Variants in IL1RAPL2 observed in about 807,000 individuals in gnomAD.
The protein encoded by IL1RAPL2 is X-linked interleukin-1 receptor accessory protein-like 2.
Under a neutral mutation model 44.1 loss-of-function variants are expected in IL1RAPL2, and 3 were observed. The ratio of observed to expected loss-of-function variants is 0.07; its 90% CI spans 0.03 to 0.18. The LOEUF (loss-of-function observed/expected upper bound fraction) is 0.18, where lower values mean the gene tolerates loss of function less well. Ranked by LOEUF, IL1RAPL2 falls within the 10% of genes least tolerant of loss-of-function variation. IL1RAPL2 has a pLI of 1.00. For missense variants in IL1RAPL2, 391 were observed against 496.4 expected (o/e 0.79, Z 2.02); for synonymous variants, 181 against 178.8 (o/e 1.01, Z -0.10).
chrX:105,037,936 G>A (rs1336413118), intron 2 of IL1RAPL2, among the ~76,000 whole-genome samples: 4 of 111,796 alleles, frequency 3.6e-5, no homozygotes, highest in African/African-American at 1.3e-4. Context: ...ATTCCAAAGT[G>A]TCCAATTAAG....
At chrX:105,160,564 G>A (rs937388870) in intron 2 of IL1RAPL2, among the ~76,000 whole-genome samples, 1 of 108,215 alleles carries the variant, frequency 9.2e-6, no homozygotes, top group African/African-American at 3.4e-5. Flanking sequence ...AGTTTCTCTG[G>A]AAAAAAAAAT....
chrX:105,668,950 A>G (rs901338382), intron 6 of IL1RAPL2, among the ~76,000 whole-genome samples: 1 of 111,593 alleles, frequency 9.0e-6, no homozygotes, highest in Admixed American at 9.5e-5. Context: ...AGGAGCATCC[A>G]TCCATGTCAT....
intron 1 of IL1RAPL2, among the ~76,000 whole-genome samples, chrX:104,582,364 G>A (rs1243385217): frequency 1.8e-5 from 2 of 111,989 alleles, no homozygotes; most frequent in Non-Finnish European, 1.9e-5. Context: ...AAACAGTGAT[G>A]TAAAGTGTGT....
chrX:104,867,512 G>A lies in IL1RAPL2; in HGVS notation c.82+208517G>A, dbSNP rs1026156115. 3.6e-5 allele frequency among the ~76,000 whole-genome samples: 4 copies of A among 111,482 alleles called. No homozygotes were observed. The South Asian group carries it at 1.5e-3, about 41-fold the overall frequency. On this transcript the variant is annotated intron_variant, in intron 2 of 10. Coordinates refer to ENST00000372582, the MANE Select transcript of IL1RAPL2 (RefSeq NM_017416.2). ...ATTGAGCCATACATACAAGAACTGC[G>A]ACGGATGCTGATGACTGTAACAATC...
intron 6 of IL1RAPL2, among the ~76,000 whole-genome samples, chrX:105,639,082 G>A (rs1293001561): frequency 9.0e-6 from 1 of 111,213 alleles, no homozygotes; most frequent in East Asian, 2.8e-4. Context: ...TTTTTTATGC[G>A]AGTATTTCCC....
chrX:104,742,625 T>C (rs1932115599), intron 2 of IL1RAPL2, among the ~76,000 whole-genome samples: 1 of 111,840 alleles, frequency 8.9e-6, no homozygotes, highest in African/African-American at 3.2e-5. Flanking sequence ...TTTTTAATAG[T>C]AAATGAAGTC....
At chrX:105,286,683 T>C (rs1469490826) in intron 5 of IL1RAPL2, among the ~76,000 whole-genome samples, 2 of 110,413 alleles carry the variant, frequency 1.8e-5, no homozygotes, top group Non-Finnish European at 1.9e-5. Context: ...TGAATAAAGA[T>C]AGTACCTTAG....
intron 9 of IL1RAPL2, among the ~76,000 whole-genome samples, chrX:105,753,847 T>C (rs1430619726): frequency 8.9e-6 from 1 of 111,775 alleles, no homozygotes; most frequent in Non-Finnish European, 1.9e-5. Flanking sequence ...CCAGAATTTC[T>C]TTTGTTTCAG....
At chrX:104,690,793 C>G (rs918642001) in intron 2 of IL1RAPL2, among the ~76,000 whole-genome samples, 8 of 111,812 alleles carry the variant, frequency 7.2e-5, no homozygotes, top group African/African-American at 2.6e-4. Context: ...AGAAACTCCC[C>G]AAGGGTAAGA....
intron 2 of IL1RAPL2, among the ~76,000 whole-genome samples, chrX:105,041,884 G>T (rs963940522): frequency 4.3e-4 from 48 of 111,043 alleles, no homozygotes; most frequent in Non-Finnish European, 6.6e-4. Context: ...CAGAGATGTA[G>T]ATCAATGGAA....
intron 2 of IL1RAPL2, among the ~76,000 whole-genome samples, chrX:104,950,853 G>T (rs764184861): frequency 2.7e-5 from 3 of 110,933 alleles, no homozygotes; most frequent in Admixed American, 9.5e-5. Context: ...GACTACAGGC[G>T]CCCGCCACCT....
chrX:104,914,578 T>G (rs2147685819), intron 2 of IL1RAPL2, among the ~76,000 whole-genome samples: 1 of 111,647 alleles, frequency 9.0e-6, no homozygotes, highest in African/African-American at 3.2e-5. Flanking sequence ...TTTTTATTAT[T>G]ATTATATTTT....
At position 105,301,948 on chromosome X, in the gene IL1RAPL2, C is replaced by T. The variant is rs769222046; in HGVS notation, c.697+34407C>T. Among the ~76,000 whole-genome samples, 6 of 112,093 alleles carry T rather than the reference C, an allele frequency of 5.4e-5. No individual in the cohort carries two copies. In the South Asian group the frequency reaches 1.1e-3, roughly 21 times the overall value. On this transcript the variant is annotated intron_variant, in intron 5 of 10. Coordinates refer to ENST00000372582, the MANE Select transcript of IL1RAPL2 (RefSeq NM_017416.2). The stretch of plus-strand genomic sequence containing the variant: ...TTCAAGGAACCTCTAAACTGTTCTC[C>T]GTAGTGGTTGTACTAATTTACATTT...
intron 2 of IL1RAPL2, among the ~76,000 whole-genome samples, chrX:104,905,999 C>T (rs1158367420): frequency 9.1e-6 from 1 of 109,709 alleles, no homozygotes; most frequent in Non-Finnish European, 1.9e-5. Flanking sequence ...GTTTGTAGTT[C>T]TCCTTGAAGA....
At chrX:105,570,418 G>A (rs1322188041) in intron 6 of IL1RAPL2, among the ~76,000 whole-genome samples, 3 of 112,121 alleles carry the variant, frequency 2.7e-5, no homozygotes, top group African/African-American at 9.7e-5. Flanking sequence ...GTATGTGTAT[G>A]TGACTTTTTC....
At chrX:104,931,526 C>A (rs1375496055) in intron 2 of IL1RAPL2, among the ~76,000 whole-genome samples, 1 of 110,949 alleles carries the variant, frequency 9.0e-6, no homozygotes, top group Non-Finnish European at 1.9e-5. Context: ...CCAAGCAAGA[C>A]AGGCCAGGTT....
chrX:105,235,427 T>C (rs1244313895), intron 4 of IL1RAPL2, among the ~76,000 whole-genome samples: 1 of 111,488 alleles, frequency 9.0e-6, no homozygotes. Flanking sequence ...CAAACACACA[T>C]AAAAGGTGGA....
intron 2 of IL1RAPL2, among the ~76,000 whole-genome samples, chrX:104,824,785 T>G (rs1370545987): frequency 8.9e-6 from 1 of 111,962 alleles, no homozygotes; most frequent in African/African-American, 3.2e-5. Context: ...CTTTTCTTCT[T>G]TATTAGTCTG....
intron 2 of IL1RAPL2, among the ~76,000 whole-genome samples, chrX:104,996,670 A>C (rs2030753984): frequency 8.9e-6 from 1 of 112,206 alleles, no homozygotes; most frequent in African/African-American, 3.2e-5. Flanking sequence ...ATGGTTATTA[A>C]GTGCTTACTA....
Sources: allele counts gnomAD v4.1 joint callset (sites outside exome capture counted in the v4.1 genomes callset), GRCh38; gene constraint gnomAD v4.1.1; transcripts MANE v1.5; gene names NCBI Gene and HGNC (gene_info 2026-07-23, HGNC 2026-07-21).